The following NBPF10 variants were observed in gnomAD, a reference collection of about 807,000 sequenced individuals.
The protein encoded by NBPF10 is NBPF member 10, also known as NBPF family member NBPF10.
NBPF10 carries 63 observed loss-of-function variants against 77.9 expected under a neutral mutation model. That is an observed-to-expected ratio of 0.81 (90% confidence interval 0.66 to 1.00). The LOEUF (loss-of-function observed/expected upper bound fraction) is 1.00, where lower values mean the gene tolerates loss of function less well. NBPF10 is among the 50% of genes least tolerant of loss of function. The pLI, the probability that NBPF10 is intolerant of heterozygous loss-of-function variation, is 0.00. For missense variants in NBPF10, 522 were observed against 679.8 expected (o/e 0.77, Z 2.58); for synonymous variants, 146 against 264.5 (o/e 0.55, Z 4.35).
intron 13 of NBPF10, among the ~76,000 whole-genome samples, chr1:146,126,759 A>G (rs61816391): frequency 0.25 from 33,971 of 135,004 alleles, 4,900 homozygotes; most frequent in Non-Finnish European, 0.34. Flanking sequence ...ATAATTTTGC[A>G]TAAAATGTGC....
At chr1:146,143,127 C>T (rs1553798081) in intron 1 of NBPF10, among the ~76,000 whole-genome samples, 1 of 123,708 alleles carries the variant, frequency 8.1e-6, no homozygotes, top group Non-Finnish European at 1.9e-5. Context: ...CTTGTACAGT[C>T]GGGAAGGCCC....
intron 5 of NBPF10, among the ~76,000 whole-genome samples, chr1:146,139,173 C>G (rs1318191494): frequency 6.9e-6 from 1 of 145,704 alleles, no homozygotes; most frequent in Non-Finnish European, 1.5e-5. Flanking sequence ...AATCTCGGCT[C>G]ACTGCAAGCT....
At position 146,125,486 on chromosome 1, in the gene NBPF10, T is replaced by A. The variant is rs782345277; in HGVS notation, c.2057A>T (p.Asp686Val). 6.6e-4 allele frequency: 305 copies of A among 460,714 alleles called. 5 individuals carry two copies. Among genetic ancestry groups the A allele is most frequent in the Non-Finnish European group, 8.7e-4 (235 of 270,812 alleles). The allele number at this position is 460,714 out of a possible 1,614,324, so 28.5% of individuals were successfully genotyped here. A position where few individuals can be genotyped will look rare whatever the true frequency, so the allele number is the denominator to read the frequency against. The change falls in exon 15 of 90, where the codon GAC becomes GTC. Residue 686 changes from aspartate (D) to valine (V), a missense_variant. Physicochemically the swap from Asp to Val is radical, Grantham distance 152. This residue lies in a region of NBPF10 where 178 missense variants were observed against 77.7 expected (regional missense o/e 2.29). Coordinates refer to ENST00000583866, the Ensembl canonical transcript of NBPF10. ...TTACCTGGGGCATGATGGGTCTTGG[T>A]CTTCTTCCACTTCTTGGTACTTTTC...
At chr1:146,135,471 T>C (rs3926769) in exon 8 of NBPF10, 375,994 of 665,426 alleles carry the variant, frequency 0.57, 169,029 homozygotes, top group Admixed American at 0.72. Flanking sequence ...TAACTTCTCC[T>C]TTAACTGGGT....
At chr1:146,067,597 A>G (rs1197207966) in intron 88 of NBPF10, among the ~76,000 whole-genome samples, 6 of 150,628 alleles carry the variant, frequency 4.0e-5, no homozygotes, top group African/African-American at 1.5e-4. Flanking sequence ...AATGATTTCT[A>G]GGAGAAAAAC....
At chr1:146,071,516 GACACACAC>G (rs1292207002) in intron 83 of NBPF10, among the ~76,000 whole-genome samples, 197 bp from the exon 84 acceptor site, 1 of 15,312 alleles carries the variant, frequency 6.5e-5, no homozygotes, top group African/African-American at 5.2e-4. Flanking sequence ...AAGACAGATA[GACACACAC>G]ACACACACAC....
intron 89 of NBPF10, among the ~76,000 whole-genome samples, chr1:146,066,857 T>G (rs1172460427): frequency 6.6e-6 from 1 of 151,274 alleles, no homozygotes; most frequent in African/African-American, 2.4e-5. Flanking sequence ...ACACTCTGAC[T>G]TAGTGCCCTC....
intron 2 of NBPF10, 61 bp downstream of exon 2, chr1:146,142,589 C>G: frequency 3.5e-6 from 3 of 858,404 alleles, no homozygotes; most frequent in South Asian, 3.1e-5. Flanking sequence ...CCCCGCCGAG[C>G]TGCTGTACTT....
intron 6 of NBPF10, among the ~76,000 whole-genome samples, chr1:146,137,319 C>A (rs10910793): frequency 2.7e-3 from 212 of 79,074 alleles, no homozygotes; most frequent in African/African-American, 8.2e-3. Flanking sequence ...AGCAACAAGA[C>A]TCTGTGCCCC....
At chr1:146,126,827 C>G (rs1310839382) in intron 13 of NBPF10, among the ~76,000 whole-genome samples, 2 of 122,994 alleles carry the variant, frequency 1.6e-5, no homozygotes, top group Non-Finnish European at 3.4e-5. Flanking sequence ...TCAACTTTCA[C>G]TAGGTTAGTA....
At chr1:146,073,930 G>T (rs61813404) in intron 80 of NBPF10, among the ~76,000 whole-genome samples, 3 of 88,208 alleles carry the variant, frequency 3.4e-5, no homozygotes, top group Non-Finnish European at 6.0e-5. Context: ...GAGGATTTGA[G>T]ACGCTGAAAT....
exon 14 of NBPF10, chr1:146,126,399 C>A (rs782064835): frequency 1.6e-6 from 2 of 1,269,914 alleles, no homozygotes; most frequent in Non-Finnish European, 2.3e-6. Flanking sequence ...CCAGCAGCTC[C>A]CTGCTGAGCG....
intron 71 of NBPF10, among the ~76,000 whole-genome samples, 159 bp from the exon 72 acceptor site, chr1:146,080,936 A>C (rs1354159231): frequency 2.1e-5 from 1 of 48,450 alleles, no homozygotes; most frequent in African/African-American, 4.7e-5. Flanking sequence ...GGGACAGAAC[A>C]GGGCCAAATG....
intron 89 of NBPF10, among the ~76,000 whole-genome samples, chr1:146,066,809 G>T (rs587738787): frequency 6.2e-4 from 95 of 152,072 alleles, no homozygotes; most frequent in African/African-American, 2.3e-3. Context: ...GTGACCTAGT[G>T]AATTGGCCAG....
In NBPF10 at chr1:146,067,925, G is replaced by C. The variant is rs1488356448; in HGVS notation, c.11035+78C>G. 5 of 690,448 alleles carry C rather than the reference G, an allele frequency of 7.2e-6. 1 individual carries two copies. The highest frequency in any genetic ancestry group is 1.3e-5 in the Non-Finnish European group (5 of 384,062). The allele number at this position is 690,448 out of a possible 1,614,324, so 42.8% of individuals were successfully genotyped here. A position where few individuals can be genotyped will look rare whatever the true frequency, so the allele number is the denominator to read the frequency against. On this transcript the variant is annotated intron_variant, in intron 88 of 89. Transcript: ENST00000583866. ...GCAATGACGTCTCTCGGGTCAGCAA[G>C]GGCCACTTGGAATAGGAATATCACC... is the stretch of plus-strand genomic sequence containing the variant.
chr1:146,136,728 T>C (rs6413794), intron 6 of NBPF10, among the ~76,000 whole-genome samples: 14 of 143,100 alleles, frequency 9.8e-5, no homozygotes, highest in African/African-American at 2.6e-4. Flanking sequence ...GAATTCACAG[T>C]CCCTGAGGTC....
intron 2 of NBPF10, among the ~76,000 whole-genome samples, chr1:146,142,069 AGG>A (rs1660364112): frequency 7.9e-6 from 1 of 126,618 alleles, no homozygotes; most frequent in South Asian, 3.0e-4. Context: ...AAACAAAAGT[AGG>A]TGTCTTCCTA....
chr1:146,126,764 A>T (rs1333171371), intron 13 of NBPF10, among the ~76,000 whole-genome samples: 4 of 138,260 alleles, frequency 2.9e-5, no homozygotes, highest in Admixed American at 1.5e-4. Flanking sequence ...TTTGCATAAA[A>T]TGTGCTCAAG....
intron 2 of NBPF10, among the ~76,000 whole-genome samples, 196 bp downstream of exon 2, chr1:146,142,454 G>A (rs1354189727): frequency 7.5e-6 from 1 of 133,252 alleles, no homozygotes; most frequent in Non-Finnish European, 1.8e-5. Flanking sequence ...GAGAAAACAA[G>A]GCTCTAAGAA....
Sources: allele counts gnomAD v4.1 joint callset (sites outside exome capture counted in the v4.1 genomes callset), GRCh38; gene constraint gnomAD v4.1.1; regional missense constraint gnomAD v4.1.1; transcripts MANE v1.5; gene names NCBI Gene and HGNC (gene_info 2026-07-23, HGNC 2026-07-21).